NEDD1: variants seen among roughly 807,000 people sequenced by gnomAD.
The protein encoded by NEDD1 is protein NEDD1.
In NEDD1, 33 loss-of-function variants were observed where a neutral mutation model predicts 74.0. The ratio of observed to expected loss-of-function variants is 0.45; its 90% confidence interval spans 0.34 to 0.60. NEDD1 has a LOEUF of 0.60. Ranked by LOEUF, NEDD1 falls within the 20% of genes least tolerant of loss-of-function variation. The pLI is 0.01. For synonymous variants in NEDD1, 250 were observed against 264.4 expected (o/e 0.95, Z 0.53); for missense variants, 746 against 776.5 (o/e 0.96, Z 0.47).
intron 6 of NEDD1, chr12:96,924,943 G>A (rs1875532297): frequency 1.4e-5 from 6 of 423,728 alleles, no homozygotes; most frequent in Admixed American, 8.4e-5. Context: ...TCATTGTAAG[G>A]TTTGTTTTGT....
chr12:96,916,372 A>C (rs1174808118), intron 4 of NEDD1, among the ~76,000 whole-genome samples: 3 of 142,234 alleles, frequency 2.1e-5, no homozygotes, highest in Non-Finnish European at 4.6e-5. Flanking sequence ...GTCATCTAGC[A>C]TTAGGTATAT....
intron 12 of NEDD1, among the ~76,000 whole-genome samples, 182 bp from the exon 13 acceptor site, chr12:96,944,453 TAGTA>T (rs1001268009): frequency 8.5e-5 from 13 of 152,068 alleles, no homozygotes; most frequent in South Asian, 2.1e-4. Flanking sequence ...TGTTTTTGAT[TAGTA>T]AGTGTTACTT....
Position 96,943,566 on chromosome 12 carries a change from A to T in NEDD1, c.1301A>T (p.Asp434Val). ...CAGTTTTTCCCTTTTCCAGGCTTTG[A>T]CTTTCTACCGCAGTTGAACTCAGTG... ...DESIGKGDGF[D>V]FLPQLNSVFP... Residue 434 changes from aspartate (D) to valine (V), a missense_variant, in exon 12 of 16, where the codon GAC (aspartate) becomes GTC (valine). Around this residue, in one of 3 missense-constraint regions of NEDD1, gnomAD observed 706 missense variants for 706.7 expected, o/e 1.00. Transcript: ENST00000266742. 1 of 1,612,230 alleles carries T rather than the reference A, an allele frequency of 6.2e-7. No homozygotes were observed.
chr12:96,952,144 G>A lies in NEDD1; in HGVS notation c.*91G>A. 2 of 691,952 alleles carry A rather than the reference G, an allele frequency of 2.9e-6. No homozygotes were observed. Among genetic ancestry groups the A allele is most frequent in the African/African-American group, 1.8e-5 (1 of 54,918 alleles). The allele number at this position is 691,952 out of a possible 1,614,324, so 42.9% of individuals were successfully genotyped here. ...ATCAGTATTGTTTTCATGGCCTCCA[G>A]GGAAAAAATGTTTTTCAAGTAAGAG... On this transcript the variant is annotated 3_prime_UTR_variant, in exon 16 of 16. Transcript: ENST00000266742.
In NEDD1 at chr12:96,907,836, C is replaced by A; in HGVS notation, c.-29C>A. 7.0e-7 allele frequency: 1 copy of A among 1,421,114 alleles called. No homozygotes were observed. 88.0% of individuals were successfully genotyped at this position (1,421,114 alleles called of 1,614,324 possible). ...CTCATGTAAAGTCTCTCCCTTAATG[C>A]TCAGTTCTTAGAAGACCGAGGTAGG... On this transcript the variant is annotated 5_prime_UTR_variant, in exon 2 of 16. Transcript: ENST00000266742.
intron 4 of NEDD1, among the ~76,000 whole-genome samples, chr12:96,915,333 AG>A (rs1565786554): frequency 6.6e-6 from 1 of 152,204 alleles, no homozygotes. Flanking sequence ...CTTTAGTACA[AG>A]ATTAGCATGT....
intron 3 of NEDD1, among the ~76,000 whole-genome samples, chr12:96,910,677 C>G (rs1873826568): frequency 6.6e-6 from 1 of 152,172 alleles, no homozygotes; most frequent in Admixed American, 6.5e-5. Flanking sequence ...CCAATAGCCT[C>G]TAGTTGTGAC....
At chr12:96,932,720 A>T (rs1027289256) in intron 6 of NEDD1, among the ~76,000 whole-genome samples, 8 of 151,272 alleles carry the variant, frequency 5.3e-5, no homozygotes, top group Non-Finnish European at 1.0e-4. Flanking sequence ...TTTAAAAAAT[A>T]TGTAAAAGAT....
At chr12:96,940,836 A>G (rs946327493) in intron 10 of NEDD1, among the ~76,000 whole-genome samples, 1 of 152,066 alleles carries the variant, frequency 6.6e-6, no homozygotes, top group African/African-American at 2.4e-5. Context: ...CCTTGTATCT[A>G]CTTCTAAATT....
chr12:96,938,573 C>T (rs1230462445), intron 9 of NEDD1, among the ~76,000 whole-genome samples: 2 of 152,052 alleles, frequency 1.3e-5, no homozygotes, highest in African/African-American at 4.8e-5. Flanking sequence ...AGGCTTGGAT[C>T]TTTCAGGGTC....
chr12:96,949,842 T>C (rs2136630647), intron 14 of NEDD1, among the ~76,000 whole-genome samples: 1 of 152,164 alleles, frequency 6.6e-6, no homozygotes, highest in Admixed American at 6.5e-5. Flanking sequence ...CTGTAAAAAA[T>C]AAGTATAGAT....
Position 96,950,256 on chromosome 12 carries a change from T to C in NEDD1, c.1812-1176T>C, listed in dbSNP as rs548662781. ...GTGTCACACCGAGTAAATGGGAAAA[T>C]ATAAAAAATCTGGTAATACTAAGTC... is the stretch of plus-strand genomic sequence containing the variant. On this transcript the variant is annotated intron_variant, in intron 14 of 15. Transcript: ENST00000266742. Among the ~76,000 whole-genome samples, 45 of 151,976 alleles carry C rather than the reference T, an allele frequency of 3.0e-4. 1 individual carries two copies. The South Asian group carries it at 9.1e-3, about 31-fold the overall frequency.
In NEDD1 at chr12:96,912,874, A is replaced by T; in HGVS notation, c.231+57A>T. 2 of 847,408 alleles carry T rather than the reference A, an allele frequency of 2.4e-6. 1 individual carries two copies. The highest frequency in any genetic ancestry group is 3.0e-5 in the South Asian group (2 of 66,286). 52.5% of individuals were successfully genotyped at this position (847,408 alleles called of 1,614,324 possible). ...AAAATCTTAGTTTTGCTTGACTGGC[A>T]ATTGCTTATTGTGGTGCTTGCGACT... On this transcript the variant is annotated intron_variant, in intron 4 of 15. Transcript: ENST00000266742.
At chr12:96,908,557 C>G (rs2136500185) in intron 2 of NEDD1, among the ~76,000 whole-genome samples, 1 of 152,306 alleles carries the variant, frequency 6.6e-6, no homozygotes, top group Non-Finnish European at 1.5e-5. Context: ...TCTTTGCCTT[C>G]TGTTTTCTAG....
intron 6 of NEDD1, among the ~76,000 whole-genome samples, chr12:96,928,844 G>A (rs544631938): frequency 1.2e-4 from 18 of 151,484 alleles, no homozygotes; most frequent in Non-Finnish European, 2.2e-4. Flanking sequence ...CTGCTACCAC[G>A]CCTGGCTAAT....
chr12:96,942,935 A>C (rs1003712046), intron 11 of NEDD1, among the ~76,000 whole-genome samples: 1 of 152,022 alleles, frequency 6.6e-6, no homozygotes, highest in Non-Finnish European at 1.5e-5. Flanking sequence ...GCTTCTTTAT[A>C]TATGGGGCAG....
At chr12:96,939,420 A>C (rs1877447298) in intron 9 of NEDD1, among the ~76,000 whole-genome samples, 1 of 152,080 alleles carries the variant, frequency 6.6e-6, no homozygotes, top group Admixed American at 6.6e-5. Flanking sequence ...CAATAGTACA[A>C]ATGATTTGGT....
intron 15 of NEDD1, 62 bp from the exon 16 acceptor site, chr12:96,951,887 C>T: frequency 2.3e-6 from 2 of 880,662 alleles, no homozygotes; most frequent in Non-Finnish European, 3.7e-6. Flanking sequence ...GTATATTAAA[C>T]ATAGCCTGCC....
At chr12:96,923,873 C>T (rs547338849) in intron 6 of NEDD1, among the ~76,000 whole-genome samples, 34 of 147,224 alleles carry the variant, frequency 2.3e-4, no homozygotes, top group African/African-American at 7.9e-4. Context: ...TTTTAGTGAA[C>T]AGAAGTTCTT....
Sources: gnomAD v4.1 joint callset for allele counts (sites outside exome capture counted in the v4.1 genomes callset) on GRCh38, gnomAD v4.1.1 for gene constraint, gnomAD v4.1.1 regional missense constraint, MANE v1.5 for transcripts, NCBI Gene and HGNC (gene_info 2026-07-23, HGNC 2026-07-21) for gene names.